The following SND1 variants were observed in gnomAD, a reference collection of about 807,000 sequenced individuals.
The protein encoded by SND1 is staphylococcal nuclease domain-containing protein 1.
Under a neutral mutation model 121.7 loss-of-function variants are expected in SND1, and 38 were observed. The ratio of observed to expected loss-of-function variants is 0.31; its 90% CI spans 0.24 to 0.41. The LOEUF (loss-of-function observed/expected upper bound fraction) is 0.41, where lower values mean the gene tolerates loss of function less well. SND1 is among the 10% of genes least tolerant of loss of function. The probability of loss-of-function intolerance (pLI) is 1.00; values close to 1 mark genes in which losing one functional copy is unlikely to be tolerated. For synonymous variants in SND1, 401 were observed against 447.4 expected (o/e 0.90, Z 1.31); for missense variants, 868 against 1,184.6 (o/e 0.73, Z 3.92).
intron 15 of SND1, among the ~76,000 whole-genome samples, chr7:127,983,618 G>A (rs1176971705): frequency 1.3e-5 from 2 of 151,938 alleles, no homozygotes; most frequent in Non-Finnish European, 1.5e-5. Flanking sequence ...CTGCCATTTT[G>A]TCTCCCCCAT....
At chr7:128,091,792 T>C (rs1384781759) in intron 22 of SND1, 45 bp from the exon 23 acceptor site, 63 of 1,607,322 alleles carry the variant, frequency 3.9e-5, no homozygotes, top group Non-Finnish European at 4.9e-5. Context: ...GGCTGATCAT[T>C]TGAGGGCAAC....
intron 10 of SND1, among the ~76,000 whole-genome samples, chr7:127,731,628 A>G (rs537970361): frequency 3.9e-5 from 6 of 152,148 alleles, no homozygotes; most frequent in African/African-American, 1.4e-4. Context: ...TTCAGCCTAG[A>G]CACTCCTGTT....
At chr7:127,920,480 A>C (rs1253928476) in intron 14 of SND1, among the ~76,000 whole-genome samples, 1 of 152,156 alleles carries the variant, frequency 6.6e-6, no homozygotes, top group African/African-American at 2.4e-5. Flanking sequence ...TGATACTATA[A>C]ACACTGAGTA....
At chr7:127,944,427 A>G (rs148169087) in intron 15 of SND1, among the ~76,000 whole-genome samples, 1 of 152,320 alleles carries the variant, frequency 6.6e-6, no homozygotes, top group African/African-American at 2.4e-5. Context: ...GCTTTCCTTC[A>G]GCCTTTTATT....
intron 21 of SND1, among the ~76,000 whole-genome samples, chr7:128,088,956 A>T (rs1246768511): frequency 6.6e-6 from 1 of 152,068 alleles, no homozygotes; most frequent in African/African-American, 2.4e-5. Flanking sequence ...TCACTTGCAA[A>T]TAGTCTCTGG....
At chr7:127,896,302 A>G (rs920717798) in intron 13 of SND1, among the ~76,000 whole-genome samples, 1 of 152,044 alleles carries the variant, frequency 6.6e-6, no homozygotes, top group Non-Finnish European at 1.5e-5. Context: ...AATATTTGAT[A>G]TGTTGGGAGG....
chr7:127,951,240 AG>A (rs1275431703), intron 15 of SND1, among the ~76,000 whole-genome samples: 1 of 152,192 alleles, frequency 6.6e-6, no homozygotes, highest in Admixed American at 6.5e-5. Flanking sequence ...ATCTAGCCTT[AG>A]GGAAAAAAAA....
intron 15 of SND1, among the ~76,000 whole-genome samples, chr7:127,931,831 G>A (rs181096553): frequency 4.6e-5 from 7 of 152,268 alleles, no homozygotes; most frequent in South Asian, 4.1e-4. Flanking sequence ...CCTGTATGAC[G>A]GCACATCTGG....
At chr7:127,679,931 G>T (rs1795685649) in intron 1 of SND1, among the ~76,000 whole-genome samples, 1 of 152,156 alleles carries the variant, frequency 6.6e-6, no homozygotes, top group Admixed American at 6.5e-5. Context: ...GCATATGTTT[G>T]TATTTCTCTT....
At chr7:128,019,944 C>G (rs752442684) in intron 16 of SND1, among the ~76,000 whole-genome samples, 1 of 152,124 alleles carries the variant, frequency 6.6e-6, no homozygotes. Context: ...GGAGGTAGAG[C>G]GGGACTCCAG....
chr7:127,918,055 C>CTTTTTTTTTTTTTTTTTTTT (rs11375840), intron 14 of SND1, among the ~76,000 whole-genome samples: 1 of 142,380 alleles, frequency 7.0e-6, no homozygotes. Context: ...TAGATTTTTT[C>CTTTTTTTTTTTTTTTTTTTT]TTTTTTTTTT....
chr7:127,886,257 C>T (rs1799905481), intron 12 of SND1, among the ~76,000 whole-genome samples: 1 of 151,894 alleles, frequency 6.6e-6, no homozygotes, highest in South Asian at 2.1e-4. Context: ...GATAATCAGC[C>T]ACTGCATCTT....
At position 127,828,341 on chromosome 7, in the gene SND1, TA is replaced by T. The variant is rs1798680525; in HGVS notation, c.1243-15982del. Among the ~76,000 whole-genome samples the T allele has an allele frequency of 2.6e-5, 4 of 152,202 alleles. No individual in the cohort carries two copies. In the South Asian group the frequency reaches 8.3e-4, roughly 32 times the overall value. ...CCTATACCTTCTGGTTGTTCTGATA[TA>T]TATATATCAGAATATATATACATAT... On this transcript the variant is annotated intron_variant, in intron 11 of 23. Transcript: ENST00000354725.
intron 12 of SND1, among the ~76,000 whole-genome samples, chr7:127,849,805 C>A (rs1259064242): frequency 6.6e-6 from 1 of 152,074 alleles, no homozygotes; most frequent in East Asian, 1.9e-4. Context: ...CTGCATTGCT[C>A]TTCTTTCTTG....
chr7:127,794,272 C>T (rs578112009), intron 10 of SND1, among the ~76,000 whole-genome samples: 2 of 152,226 alleles, frequency 1.3e-5, no homozygotes, highest in Admixed American at 6.5e-5. Flanking sequence ...CTTGGAGGGA[C>T]GCAGCAACTA....
At chr7:127,905,260 G>A (rs986013485) in intron 14 of SND1, among the ~76,000 whole-genome samples, 1 of 152,110 alleles carries the variant, frequency 6.6e-6, no homozygotes, top group African/African-American at 2.4e-5. Context: ...CTGCTTGCCT[G>A]TAAGTGGGAC....
intron 15 of SND1, among the ~76,000 whole-genome samples, chr7:127,976,159 C>T (rs902906719): frequency 2.6e-5 from 4 of 152,336 alleles, no homozygotes; most frequent in Middle Eastern, 3.4e-3. Flanking sequence ...GGGGAATGTG[C>T]TTTGTGGAGA....
In SND1 at chr7:128,084,130, A is replaced by G. The variant is rs1326997143; in HGVS notation, c.2111-594A>G. Among the ~76,000 whole-genome samples, 119 of 152,300 alleles carry G rather than the reference A, an allele frequency of 7.8e-4. 1 individual carries two copies. Among genetic ancestry groups the G allele is most frequent in the Admixed American group, 7.6e-3 (116 of 15,304 alleles). On this transcript the variant is annotated intron_variant, in intron 18 of 23. Transcript: ENST00000354725. Reference sequence around the variant, plus strand: ...CAAGGGTCAGAGGGGCCAAGTTTGAATAATACTGAGGCTCTAGGCCCTGAT... The same window carrying G: ...CAAGGGTCAGAGGGGCCAAGTTTGAGTAATACTGAGGCTCTAGGCCCTGAT...
chr7:127,695,793 T>C (rs1795997158), intron 3 of SND1, among the ~76,000 whole-genome samples: 2 of 152,172 alleles, frequency 1.3e-5, no homozygotes, highest in African/African-American at 4.8e-5. Flanking sequence ...GCCACTGCAC[T>C]CTAGCCTGAG....
Sources: gnomAD v4.1 joint callset for allele counts (sites outside exome capture counted in the v4.1 genomes callset) on GRCh38, gnomAD v4.1.1 for gene constraint, MANE v1.5 for transcripts, NCBI Gene and HGNC (gene_info 2026-07-23, HGNC 2026-07-21) for gene names.